The following CDH12 variants were observed in gnomAD, a reference collection of about 807,000 sequenced individuals.
CDH12 encodes cadherin 12.
CDH12 carries 41 observed loss-of-function variants against 74.1 expected under a neutral mutation model. The ratio of observed to expected loss-of-function variants is 0.55; its 90% CI spans 0.43 to 0.72. The LOEUF (loss-of-function observed/expected upper bound fraction) is 0.72. CDH12 is among the 30% of genes least tolerant of loss of function. The pLI, the probability that CDH12 is intolerant of heterozygous loss-of-function variation, is 0.00. For synonymous variants in CDH12, 399 were observed against 355.0 expected, an observed-to-expected ratio of 1.12 and a Z score of -1.39; for missense variants, 945 against 977.2, an observed-to-expected ratio of 0.97 and a Z score of 0.44.
chr5:22,687,023 C>T (rs574874980), intron 1 of CDH12, among the ~76,000 whole-genome samples: 4 of 152,278 alleles, frequency 2.6e-5, no homozygotes, highest in Non-Finnish European at 5.9e-5. Flanking sequence ...GGGCCAGGTG[C>T]GGTGGCTCAT....
rs988372767 is a variant in CDH12 at position 22,477,811 on chromosome 5, C to T, written c.-428+27459G>A. Among the ~76,000 whole-genome samples, 8 of 152,306 alleles carry T rather than the reference C, an allele frequency of 5.3e-5. No individual in the cohort carries two copies. The East Asian group carries it at 1.5e-3, about 29-fold the overall frequency. On this transcript the variant is annotated intron_variant, in intron 2 of 14. Transcript: ENST00000382254. The stretch of plus-strand genomic sequence containing the variant: ...CTTAGGATTCCAACTCTTTCACCTA[C>T]ACTGATTACAATAAATGGTGCTGTA...
intron 12 of CDH12, among the ~76,000 whole-genome samples, chr5:21,764,651 G>GAAAAAAAAAAAA (rs369895363): frequency 3.3e-4 from 36 of 109,040 alleles, no homozygotes; most frequent in South Asian, 9.0e-4. Context: ...TTCATATCAA[G>GAAAAAAAAAAAA]AAAAAAAAAA....
chr5:22,135,338 T>C lies in CDH12; in HGVS notation c.-186-56476A>G, dbSNP rs368754590. 3.9e-5 allele frequency among the ~76,000 whole-genome samples: 6 copies of C among 151,986 alleles called. No homozygotes were observed. The East Asian group carries it at 5.8e-4, about 15-fold the overall frequency. On this transcript the variant is annotated intron_variant, in intron 4 of 14. Coordinates refer to ENST00000382254, the MANE Select transcript of CDH12 (RefSeq NM_004061.5). The stretch of plus-strand genomic sequence containing the variant: ...AAATGACTAGGTCCATTTTTAAGTG[T>C]ATTTTTTTCCTTAACATTTTAAAAC...
chr5:21,793,313 T>C (rs909680529), intron 10 of CDH12, among the ~76,000 whole-genome samples: 2 of 151,840 alleles, frequency 1.3e-5, no homozygotes, highest in African/African-American at 4.8e-5. Context: ...TTGTTCATTA[T>C]ACAGGGAGTT....
intron 4 of CDH12, among the ~76,000 whole-genome samples, chr5:22,090,682 G>A (rs1205901084): frequency 6.6e-6 from 1 of 151,410 alleles, no homozygotes; most frequent in Non-Finnish European, 1.5e-5. Flanking sequence ...TCTCAACACA[G>A]TTCTGGCACA....
At position 22,037,562 on chromosome 5, in the gene CDH12, T is replaced by C. The variant is rs558554841; in HGVS notation, c.231+40884A>G. 9.8e-4 allele frequency among the ~76,000 whole-genome samples: 150 copies of C among 152,312 alleles called. 1 individual carries two copies. The highest frequency in any genetic ancestry group is 1.9e-4 in the Non-Finnish European group (13 of 68,028). ...CCTGTTCAGACTCATGTCAGACTTCTGGCCTACAGAACTGTAAGATATTAA... is the reference window on the plus strand; with the variant it reads ...CCTGTTCAGACTCATGTCAGACTTCCGGCCTACAGAACTGTAAGATATTAA... On this transcript the variant is annotated intron_variant, in intron 5 of 14. Transcript: ENST00000382254.
At chr5:22,190,989 G>A (rs552488383) in intron 4 of CDH12, among the ~76,000 whole-genome samples, 3 of 152,284 alleles carry the variant, frequency 2.0e-5, no homozygotes, top group Admixed American at 1.3e-4. Flanking sequence ...TCTTTCTGAA[G>A]TAATGTAATA....
intron 3 of CDH12, among the ~76,000 whole-genome samples, chr5:22,354,790 C>T (rs975236140): frequency 2.0e-5 from 3 of 152,112 alleles, no homozygotes; most frequent in Non-Finnish European, 4.4e-5. Flanking sequence ...TCTTTTATAT[C>T]CCCATTATAC....
chr5:21,989,195 C>T (rs1403230617), intron 5 of CDH12, among the ~76,000 whole-genome samples: 2 of 152,166 alleles, frequency 1.3e-5, no homozygotes, highest in African/African-American at 4.8e-5. Context: ...TATAAGAATA[C>T]ATATTCTTCA....
chr5:22,618,052 A>G (rs987655385), intron 1 of CDH12, among the ~76,000 whole-genome samples: 1 of 152,162 alleles, frequency 6.6e-6, no homozygotes, highest in Admixed American at 6.6e-5. Flanking sequence ...GTTTGCTATA[A>G]AGAATCTGAG....
chr5:22,279,329 G>A (rs1027527889), intron 3 of CDH12, among the ~76,000 whole-genome samples: 3 of 151,970 alleles, frequency 2.0e-5, no homozygotes, highest in Non-Finnish European at 4.4e-5. Context: ...AATTATTTGT[G>A]GTCATTTCTG....
chr5:22,362,258 A>G (rs1031308674), intron 3 of CDH12, among the ~76,000 whole-genome samples: 6 of 152,178 alleles, frequency 3.9e-5, no homozygotes, highest in Admixed American at 3.9e-4. Context: ...ACCCCATCAA[A>G]AAGTGGGTGA....
At chr5:22,638,532 G>A (rs1473259448) in intron 1 of CDH12, among the ~76,000 whole-genome samples, 1 of 152,126 alleles carries the variant, frequency 6.6e-6, no homozygotes, top group African/African-American at 2.4e-5. Flanking sequence ...TGCCCACCCA[G>A]ATTGAGGGTG....
At chr5:22,110,482 G>A (rs1360140045) in intron 4 of CDH12, among the ~76,000 whole-genome samples, 1 of 151,584 alleles carries the variant, frequency 6.6e-6, no homozygotes, top group Non-Finnish European at 1.5e-5. Context: ...AAGGGGTGGG[G>A]GTGGCTAGGC....
chr5:21,842,204 G>T lies in CDH12; in HGVS notation c.771C>A (p.Ile257=), dbSNP rs1749907060. 6.2e-7 allele frequency: 1 copy of T among 1,613,400 alleles called. No individual in the cohort carries two copies. The highest frequency in any genetic ancestry group is 2.2e-5 in the East Asian group (1 of 44,818). ...GGLAGTTIVN[I]TLTDVNDNPP... is the part of the protein sequence containing the mutation. The stretch of plus-strand genomic sequence containing the variant: ...GATTGTCATTGACATCGGTGAGAGT[G>T]ATGTTGACTATTGTTGTTCCGGCTA... Residue 257 remains isoleucine (I), a synonymous_variant, in exon 8 of 15, where the codon ATC becomes ATA. Transcript: ENST00000382254.
At chr5:22,236,697 G>C (rs1041998711) in intron 3 of CDH12, among the ~76,000 whole-genome samples, 1 of 152,132 alleles carries the variant, frequency 6.6e-6, no homozygotes, top group African/African-American at 2.4e-5. Context: ...CAGTGAGCGA[G>C]ATGGTGCCAC....
chr5:22,688,296 G>A (rs137942829), intron 1 of CDH12, among the ~76,000 whole-genome samples: 24 of 152,256 alleles, frequency 1.6e-4, no homozygotes, highest in Non-Finnish European at 2.8e-4. Context: ...ATCGTTATTT[G>A]CCAATGTAAA....
intron 4 of CDH12, among the ~76,000 whole-genome samples, chr5:22,135,427 A>G (rs964461494): frequency 1.3e-5 from 2 of 152,030 alleles, no homozygotes; most frequent in African/African-American, 4.8e-5. Context: ...ATCTAAGCGT[A>G]TAACAGATTT....
intron 2 of CDH12, among the ~76,000 whole-genome samples, chr5:22,444,867 C>A (rs368998517): frequency 2.6e-5 from 4 of 151,736 alleles, no homozygotes; most frequent in Non-Finnish European, 5.9e-5. Flanking sequence ...ATTATTTGTT[C>A]CAGTAAAAAC....
Sources: gnomAD v4.1 joint callset for allele counts (sites outside exome capture counted in the v4.1 genomes callset) on GRCh38, gnomAD v4.1.1 for gene constraint, MANE v1.5 for transcripts, NCBI Gene and HGNC (gene_info 2026-07-23, HGNC 2026-07-21) for gene names.